TMEM38B: variants seen among roughly 807,000 people sequenced by gnomAD.
The protein encoded by TMEM38B is trimeric intracellular cation channel type B.
A neutral mutation model predicts 28.7 loss-of-function variants in TMEM38B; 24 were observed. The ratio of observed to expected loss-of-function variants is 0.84; its 90% CI spans 0.61 to 1.18. The LOEUF (loss-of-function observed/expected upper bound fraction) is 1.18. TMEM38B is among the 50% of genes most tolerant of loss of function. The probability of loss-of-function intolerance (pLI) is 0.00; values close to 1 mark genes in which losing one functional copy is unlikely to be tolerated. For missense variants in TMEM38B, 380 were observed against 350.9 expected (o/e 1.08, Z -0.66); for synonymous variants, 131 against 127.7 (o/e 1.03, Z -0.17).
intron 5 of TMEM38B, among the ~76,000 whole-genome samples, chr9:105,772,043 T>G (rs1472258220): frequency 6.6e-6 from 1 of 152,342 alleles, no homozygotes; most frequent in East Asian, 1.9e-4. Context: ...CAGTTTGCCC[T>G]TCTACAGTGT....
At chr9:105,747,019 G>T (rs569106749) in intron 4 of TMEM38B, among the ~76,000 whole-genome samples, 3 of 152,194 alleles carry the variant, frequency 2.0e-5, no homozygotes, top group East Asian at 3.9e-4. Flanking sequence ...TTCATCAGGG[G>T]TATTGGTCTA....
At chr9:105,769,049 A>G (rs1016808343) in intron 5 of TMEM38B, among the ~76,000 whole-genome samples, 3 of 152,234 alleles carry the variant, frequency 2.0e-5, no homozygotes, top group Non-Finnish European at 4.4e-5. Context: ...TATAGCTATC[A>G]AATAGCTGTG....
At chr9:105,757,013 C>T (rs546965045) in intron 5 of TMEM38B, among the ~76,000 whole-genome samples, 5 of 152,230 alleles carry the variant, frequency 3.3e-5, no homozygotes, top group African/African-American at 9.6e-5. Flanking sequence ...GTCACCTGAG[C>T]GGTGTATACT....
In TMEM38B at chr9:105,710,828, G is replaced by A. The variant is rs1050343686; in HGVS notation, c.269+5075G>A. On this transcript the variant is annotated intron_variant, in intron 2 of 5. Coordinates refer to ENST00000374692, the MANE Select transcript of TMEM38B (RefSeq NM_018112.3). ...GGTGCACTAACGGGCCCAGCAAACC[G>A]TCCATGGCTCTGGCTGCCAAGCCTC... is the stretch of plus-strand genomic sequence containing the variant. 17 of 389,864 alleles carry A rather than the reference G, an allele frequency of 4.4e-5. No homozygotes were observed. In the Admixed American group the frequency reaches 4.6e-4, roughly 11 times the overall value. The allele number at this position is 389,864 out of a possible 1,614,324, so 24.2% of individuals were successfully genotyped here. A position where few individuals can be genotyped will look rare whatever the true frequency, so the allele number is the denominator to read the frequency against.
At chr9:105,712,670 A>G (rs1023189623) in intron 2 of TMEM38B, among the ~76,000 whole-genome samples, 1 of 152,218 alleles carries the variant, frequency 6.6e-6, no homozygotes, top group Non-Finnish European at 1.5e-5. Flanking sequence ...CAAAATGAAG[A>G]TAGTCTAGTT....
At chr9:105,731,951 C>T (rs1352859020) in intron 4 of TMEM38B, among the ~76,000 whole-genome samples, 11 of 152,194 alleles carry the variant, frequency 7.2e-5, no homozygotes, top group African/African-American at 2.7e-4. Flanking sequence ...TATTTCTCCA[C>T]ATCCTCTCCA....
chr9:105,713,569 AG>A (rs1345615158), intron 2 of TMEM38B, among the ~76,000 whole-genome samples: 1 of 152,060 alleles, frequency 6.6e-6, no homozygotes, highest in African/African-American at 2.4e-5. Flanking sequence ...GGGGTGGCTG[AG>A]GGTGGCCAGG....
rs11506757 is a variant in TMEM38B at position 105,733,180 on chromosome 9, C to T, written c.542+10559C>T. Among the ~76,000 whole-genome samples, 332 of 152,040 alleles carry T rather than the reference C, an allele frequency of 2.2e-3. 1 individual carries two copies. The highest frequency in any genetic ancestry group is 7.5e-3 in the African/African-American group (311 of 41,488). ...TATGTGGTCAATTTTAGAATAAGTG[C>T]GATGTGGTGCTGAGAAGAATGTATA... On this transcript the variant is annotated intron_variant, in intron 4 of 5. Coordinates refer to ENST00000374692, the MANE Select transcript of TMEM38B (RefSeq NM_018112.3).
At chr9:105,758,321 C>T in intron 5 of TMEM38B, 1 of 788,092 alleles carries the variant, frequency 1.3e-6, no homozygotes, top group Admixed American at 1.9e-5. Context: ...AGTGGCAGAG[C>T]TAGAATTCAG....
chr9:105,714,473 T>C (rs1367554534), intron 2 of TMEM38B, among the ~76,000 whole-genome samples: 1 of 152,182 alleles, frequency 6.6e-6, no homozygotes, highest in East Asian at 1.9e-4. Context: ...TATCATCTAT[T>C]TGGAAACCAG....
intron 4 of TMEM38B, among the ~76,000 whole-genome samples, chr9:105,738,373 C>T (rs547612386): frequency 6.6e-6 from 1 of 151,288 alleles, no homozygotes; most frequent in South Asian, 2.1e-4. Flanking sequence ...AAGGTCTTTT[C>T]TTCCCTTCTC....
At chr9:105,749,334 A>C in intron 5 of TMEM38B, 1 of 202,714 alleles carries the variant, frequency 4.9e-6, no homozygotes, top group Non-Finnish European at 1.0e-5. Context: ...AGGCTTCACA[A>C]TCATGGTGGA....
rs1389951998 is a variant in TMEM38B, at chr9:105,707,730, C to G, written c.269+1977C>G. Among the ~76,000 whole-genome samples the G allele has an allele frequency of 5.3e-5, 8 of 152,120 alleles. No homozygotes were observed. The East Asian group carries it at 1.5e-3, about 29-fold the overall frequency. ...GATAAAATTGAGGCATAGGGAAATG[C>G]TGCTATAACTTTCTTGTCTAGTAAG... On this transcript the variant is annotated intron_variant, in intron 2 of 5. Coordinates refer to ENST00000374692, the MANE Select transcript of TMEM38B (RefSeq NM_018112.3).
chr9:105,753,136 G>A (rs1306092804), intron 5 of TMEM38B, among the ~76,000 whole-genome samples: 1 of 152,088 alleles, frequency 6.6e-6, no homozygotes, highest in Non-Finnish European at 1.5e-5. Flanking sequence ...TAATGAAAAA[G>A]AATGAACAAA....
At chr9:105,763,994 CAATA>C (rs1260503209) in intron 5 of TMEM38B, among the ~76,000 whole-genome samples, 2 of 150,852 alleles carry the variant, frequency 1.3e-5, no homozygotes, top group Admixed American at 1.3e-4. Flanking sequence ...ATGATTATCT[CAATA>C]GATGCAGAAA....
chr9:105,704,589 T>C (rs1048123950), intron 1 of TMEM38B, among the ~76,000 whole-genome samples: 5 of 152,010 alleles, frequency 3.3e-5, no homozygotes, highest in African/African-American at 1.2e-4. Context: ...AGTTTGGGTT[T>C]GTCTGATTCG....
rs1030704236 is a variant in TMEM38B, at chr9:105,776,453, A to T, written c.*2373A>T. 2 of 148,710 alleles carry T rather than the reference A, an allele frequency of 1.3e-5. No individual in the cohort carries two copies. The highest frequency in any genetic ancestry group is 1.5e-5 in the Non-Finnish European group (1 of 66,852). The allele number at this position is 148,710 out of a possible 1,614,324, so 9.2% of individuals were successfully genotyped here. A position where few individuals can be genotyped will look rare whatever the true frequency, so the allele number is the denominator to read the frequency against. ...ACAGAAGGGAGACTCTGATTAGTGTATTTTTTTTTTGTCTATTCCTTAAAG... is the reference window on the plus strand; with the variant it reads ...ACAGAAGGGAGACTCTGATTAGTGTTTTTTTTTTTTGTCTATTCCTTAAAG... On this transcript the variant is annotated 3_prime_UTR_variant, in exon 6 of 6. Transcript: ENST00000374692.
At chr9:105,764,954 C>G (rs1826314723) in intron 5 of TMEM38B, among the ~76,000 whole-genome samples, 1 of 152,202 alleles carries the variant, frequency 6.6e-6, no homozygotes, top group Non-Finnish European at 1.5e-5. Flanking sequence ...TGATCTTTGA[C>G]AAACCTGAGA....
At chr9:105,766,311 G>A (rs548213668) in intron 5 of TMEM38B, among the ~76,000 whole-genome samples, 1 of 152,142 alleles carries the variant, frequency 6.6e-6, no homozygotes, top group Non-Finnish European at 1.5e-5. Flanking sequence ...GCGTTTTGTA[G>A]GTATGAAGTG....
Sources: gnomAD v4.1 joint callset for allele counts (sites outside exome capture counted in the v4.1 genomes callset) on GRCh38, gnomAD v4.1.1 for gene constraint, MANE v1.5 for transcripts, NCBI Gene and HGNC (gene_info 2026-07-23, HGNC 2026-07-21) for gene names.